The following EGFLAM variants were observed in gnomAD, a reference collection of about 807,000 sequenced individuals.
The protein encoded by EGFLAM is pikachurin.
EGFLAM carries 79 observed loss-of-function variants against 113.1 expected under a neutral mutation model. The observed-to-expected ratio is 0.70, with a 90% CI of 0.58 to 0.84. The LOEUF (loss-of-function observed/expected upper bound fraction) is 0.84, where lower values mean the gene tolerates loss of function less well. Ranked by LOEUF, EGFLAM falls within the 40% of genes least tolerant of loss-of-function variation. The pLI, the probability that EGFLAM is intolerant of heterozygous loss-of-function variation, is 0.00. For synonymous variants in EGFLAM, 504 were observed against 487.6 expected (o/e 1.03, Z -0.44); for missense variants, 1,265 against 1,291.6 (o/e 0.98, Z 0.32).
intron 1 of EGFLAM, among the ~76,000 whole-genome samples, chr5:38,294,270 G>A (rs879336333): frequency 6.6e-6 from 1 of 152,176 alleles, no homozygotes; most frequent in South Asian, 2.1e-4. Flanking sequence ...GGAAGCCCAA[G>A]TGTGCAAGAA....
chr5:38,452,153 C>T (rs1293335843), intron 19 of EGFLAM, among the ~76,000 whole-genome samples: 1 of 151,286 alleles, frequency 6.6e-6, no homozygotes, highest in South Asian at 2.1e-4. Context: ...TCTCTTACCT[C>T]TGCCTCCCTA....
chr5:38,303,570 G>A (rs1353163374), intron 1 of EGFLAM, among the ~76,000 whole-genome samples: 1 of 152,138 alleles, frequency 6.6e-6, no homozygotes, highest in Admixed American at 6.5e-5. Flanking sequence ...CTGAAGCTGT[G>A]GATCACTCAC....
chr5:38,311,105 A>T (rs1210375794), intron 1 of EGFLAM, among the ~76,000 whole-genome samples: 1 of 152,024 alleles, frequency 6.6e-6, no homozygotes, highest in Non-Finnish European at 1.5e-5. Flanking sequence ...ATTGACAAAG[A>T]TTATATTTAT....
chr5:38,416,586 G>A (rs763750728), intron 11 of EGFLAM, among the ~76,000 whole-genome samples: 2 of 152,188 alleles, frequency 1.3e-5, no homozygotes, highest in Admixed American at 6.5e-5. Flanking sequence ...GGGATCTTGC[G>A]AAGGGCACAG....
At chr5:38,333,064 G>A (rs1739086973) in intron 1 of EGFLAM, among the ~76,000 whole-genome samples, 1 of 152,174 alleles carries the variant, frequency 6.6e-6, no homozygotes, top group Non-Finnish European at 1.5e-5. Context: ...TTGGTTTTCT[G>A]TTCCTGCATT....
chr5:38,371,227 T>C (rs1387665076), intron 6 of EGFLAM, among the ~76,000 whole-genome samples: 1 of 152,192 alleles, frequency 6.6e-6, no homozygotes, highest in Non-Finnish European at 1.5e-5. Context: ...TGTTGGCACT[T>C]TTTTGTTTGA....
At chr5:38,396,370 GCTACCAAA>G (rs1740962819) in intron 6 of EGFLAM, among the ~76,000 whole-genome samples, 1 of 152,044 alleles carries the variant, frequency 6.6e-6, no homozygotes, top group Non-Finnish European at 1.5e-5. Context: ...GTTTACAATT[GCTACCAAA>G]CTACCAAACT....
chr5:38,305,088 G>A (rs1758690164), intron 1 of EGFLAM, among the ~76,000 whole-genome samples: 1 of 151,980 alleles, frequency 6.6e-6, no homozygotes, highest in Admixed American at 6.5e-5. Context: ...GACATAAACT[G>A]TACAAATAAC....
chr5:38,458,874 G>A (rs985525329), intron 20 of EGFLAM, among the ~76,000 whole-genome samples: 9 of 151,840 alleles, frequency 5.9e-5, no homozygotes, highest in Admixed American at 2.0e-4. Context: ...CTAACTACTC[G>A]GGAGGCTGAG....
intron 9 of EGFLAM, 39 bp downstream of exon 9, chr5:38,407,944 A>G (rs1340756229): frequency 2.7e-6 from 4 of 1,462,584 alleles, no homozygotes; most frequent in Non-Finnish European, 2.9e-6. Context: ...CTTTTTGGAC[A>G]CTTTAACACA....
intron 5 of EGFLAM, among the ~76,000 whole-genome samples, chr5:38,355,019 T>A (rs1015558344): frequency 1.3e-5 from 2 of 152,108 alleles, no homozygotes; most frequent in Non-Finnish European, 2.9e-5. Context: ...CTACTGAGCC[T>A]TGATGCCTCT....
chr5:38,276,670 A>G (rs925937015), intron 1 of EGFLAM, among the ~76,000 whole-genome samples: 7 of 152,130 alleles, frequency 4.6e-5, no homozygotes, highest in Non-Finnish European at 8.8e-5. Context: ...AGAATTGACA[A>G]ACTTTTAGCT....
chr5:38,427,482 AG>A, intron 14 of EGFLAM: 1 of 592,980 alleles, frequency 1.7e-6, no homozygotes, highest in Non-Finnish European at 2.8e-6. Context: ...CCCAACAGGT[AG>A]CAATTGTATG....
At chr5:38,356,934 T>A (rs1739777018) in intron 5 of EGFLAM, among the ~76,000 whole-genome samples, 1 of 152,110 alleles carries the variant, frequency 6.6e-6, no homozygotes, top group Non-Finnish European at 1.5e-5. Context: ...GGTATTAGGA[T>A]GAGGTCTTTG....
intron 1 of EGFLAM, among the ~76,000 whole-genome samples, chr5:38,300,649 A>G (rs1758554023): frequency 6.6e-6 from 1 of 152,340 alleles, no homozygotes; most frequent in Admixed American, 6.5e-5. Context: ...TGCTGGGATT[A>G]CAGGCATGAG....
chr5:38,367,936 A>C (rs894521488), intron 5 of EGFLAM, among the ~76,000 whole-genome samples: 43 of 152,246 alleles, frequency 2.8e-4, no homozygotes, highest in Non-Finnish European at 5.6e-4. Context: ...CTAATGATTT[A>C]ATCTCTTGTT....
At position 38,464,486 on chromosome 5, in the gene EGFLAM, T is replaced by A. The variant is rs1334828229; in HGVS notation, c.*500T>A. On this transcript the variant is annotated 3_prime_UTR_variant, in exon 22 of 22. Coordinates refer to ENST00000322350, the MANE Select transcript of EGFLAM (RefSeq NM_152403.4). Reference sequence around the variant, plus strand: ...GATTGTTCGGATTAACCCCTTCCACTCCTCACTGGCTGGTTCACTGTGTTC... The same window carrying A: ...GATTGTTCGGATTAACCCCTTCCACACCTCACTGGCTGGTTCACTGTGTTC... The A allele has an allele frequency of 1.3e-5, 2 of 157,040 alleles. No homozygotes were observed. Among genetic ancestry groups the A allele is most frequent in the African/African-American group, 4.8e-5 (2 of 41,522 alleles). The allele number at this position is 157,040 out of a possible 1,614,324, so 9.7% of individuals were successfully genotyped here.
rs1231480979 is a variant in EGFLAM, at chr5:38,337,580, T to C, written c.158T>C (p.Ile53Thr). The change falls in exon 2 of 22, where the codon ATC (isoleucine) becomes ACC (threonine). Residue 53 changes from isoleucine to threonine, a missense_variant. Transcript: ENST00000322350. ...LGALNCTAFS[I>T]QWKMPRHPGS... ...GCATTGAACTGTACGGCTTTCAGCA[T>C]CCAGTGGAAAATGCCAAGGCATCCT... The C allele has an allele frequency of 1.2e-6, 2 of 1,607,456 alleles. No individual in the cohort carries two copies. Among genetic ancestry groups the C allele is most frequent in the South Asian group, 2.2e-5 (2 of 89,626 alleles).
At chr5:38,417,347 C>CAAAAAA (rs752613827) in intron 11 of EGFLAM, among the ~76,000 whole-genome samples, 19 of 78,468 alleles carry the variant, frequency 2.4e-4, no homozygotes, top group Admixed American at 3.8e-4. Context: ...GACTCTGTCT[C>CAAAAAA]AAAAAAAAAA....
Sources: allele counts gnomAD v4.1 joint callset (sites outside exome capture counted in the v4.1 genomes callset), GRCh38; gene constraint gnomAD v4.1.1; transcripts MANE v1.5; gene names NCBI Gene and HGNC (gene_info 2026-07-23, HGNC 2026-07-21).